PSME3IP1: variants seen among roughly 807,000 people sequenced by gnomAD.
PSME3IP1 encodes proteasome activator subunit 3 interacting protein 1.
A neutral mutation model predicts 34.1 loss-of-function variants in PSME3IP1; 13 were observed. The ratio of observed to expected loss-of-function variants is 0.38; its 90% confidence interval spans 0.25 to 0.61. PSME3IP1 has a LOEUF of 0.61. Ranked by LOEUF, PSME3IP1 falls within the 20% of genes least tolerant of loss-of-function variation. The probability of loss-of-function intolerance (pLI) is 0.60; values close to 1 mark genes in which losing one functional copy is unlikely to be tolerated. For synonymous variants in PSME3IP1, 93 were observed against 114.3 expected (o/e 0.81, Z 1.19); for missense variants, 237 against 301.4 (o/e 0.79, Z 1.58).
At chr16:57,157,329 AAAAG>A (rs1300403491) in intron 6 of PSME3IP1, among the ~76,000 whole-genome samples, 8 of 151,192 alleles carry the variant, frequency 5.3e-5, no homozygotes, top group Non-Finnish European at 1.0e-4. Context: ...AAAAAAAAAA[AAAAG>A]AAGAAGAAGA....
At chr16:57,174,293 CAA>C (rs112755174) in intron 1 of PSME3IP1, 243 of 268,518 alleles carry the variant, frequency 9.0e-4, no homozygotes, top group Non-Finnish European at 1.2e-3. Context: ...GATTCTGTCT[CAA>C]AAAAAAAAAA....
intron 1 of PSME3IP1, chr16:57,185,503 G>A (rs2074094784): frequency 1.0e-6 from 1 of 985,270 alleles, no homozygotes; most frequent in Non-Finnish European, 1.2e-6. Context: ...CAAGACCTCT[G>A]GAACGGAGCC....
rs1744030962 is a variant in PSME3IP1, at chr16:57,154,903, G to A, written c.548-396C>T. ...AAACAGATTAAGAGAGACACTGTGAGCAATATTAACAATTCCATTAAGTTC... is the reference window on the plus strand; with the variant it reads ...AAACAGATTAAGAGAGACACTGTGAACAATATTAACAATTCCATTAAGTTC... On this transcript the variant is annotated intron_variant, in intron 6 of 6. Coordinates refer to ENST00000309137, the MANE Select transcript of PSME3IP1 (RefSeq NM_024946.4). The surrounding 1 kb of genome is among the most constrained non-coding windows in gnomAD (Gnocchi z 4.0). Among the ~76,000 whole-genome samples, 1 of 152,192 alleles carries A rather than the reference G, an allele frequency of 6.6e-6. No individual in the cohort carries two copies. The highest frequency in any genetic ancestry group is 2.4e-5 in the African/African-American group (1 of 41,448).
intron 5 of PSME3IP1, among the ~76,000 whole-genome samples, chr16:57,166,068 C>T (rs2071836521): frequency 6.6e-6 from 1 of 152,224 alleles, no homozygotes; most frequent in Admixed American, 6.5e-5. Flanking sequence ...TAACTCCTCC[C>T]CTCTGTTGCT....
At chr16:57,173,998 A>G in intron 1 of PSME3IP1, 129 bp from the exon 2 acceptor site, 1 of 1,018,122 alleles carries the variant, frequency 9.8e-7, no homozygotes, top group South Asian at 1.7e-5. Context: ...TCCAACTTTG[A>G]ATTGAAAAAA....
intron 6 of PSME3IP1, among the ~76,000 whole-genome samples, chr16:57,161,486 G>A (rs1220316802): frequency 6.6e-6 from 1 of 150,622 alleles, no homozygotes; most frequent in East Asian, 1.9e-4. Flanking sequence ...CAAATATAAT[G>A]TCTGGTCCTT....
At position 57,154,419 on chromosome 16, in the gene PSME3IP1, G is replaced by A. The variant is rs200979210; in HGVS notation, c.636C>T (p.Leu212=). Residue 212 remains leucine (L), a synonymous_variant, in exon 7 of 7, where the codon CTC becomes CTT. Coordinates refer to ENST00000309137, the MANE Select transcript of PSME3IP1 (RefSeq NM_024946.4). This position sits in a 1 kb window ranked among gnomAD's most constrained non-coding sequence, Gnocchi z 4.0. ...CPSAAVCIGI[L]PGLGAYSGSS... is the part of the protein sequence containing the mutation. ...TCCCAGAGTAGGCACCCAGGCCTGG[G>A]AGGATGCCGATACATACTGCAGCAG... is the stretch of plus-strand genomic sequence containing the variant. 2.5e-6 allele frequency: 4 copies of A among 1,614,130 alleles called. No individual in the cohort carries two copies. In the African/African-American group the frequency reaches 5.3e-5, roughly 22 times the overall value.
chr16:57,156,143 C>T (rs2070498298), intron 6 of PSME3IP1, among the ~76,000 whole-genome samples: 2 of 152,338 alleles, frequency 1.3e-5, no homozygotes, highest in South Asian at 2.1e-4. Flanking sequence ...GATGTATAGG[C>T]ATTATCCCCA....
chr16:57,182,884 T>C lies in PSME3IP1; in HGVS notation c.-16+2937A>G, dbSNP rs183230010. Among the ~76,000 whole-genome samples, 112 of 152,298 alleles carry C rather than the reference T, an allele frequency of 7.4e-4. 1 individual carries two copies. The highest frequency in any genetic ancestry group is 6.8e-3 in the Middle Eastern group (2 of 294). On this transcript the variant is annotated intron_variant, in intron 1 of 6. Coordinates refer to ENST00000309137, the MANE Select transcript of PSME3IP1 (RefSeq NM_024946.4). The stretch of plus-strand genomic sequence containing the variant: ...GAGATCGCGCCACTGCACTCCAGCC[T>C]GCGCGAAGTGGGCGAGACTCCATCT...
chr16:57,168,021 C>T (rs930384353), intron 4 of PSME3IP1, among the ~76,000 whole-genome samples: 13 of 152,154 alleles, frequency 8.5e-5, no homozygotes, highest in Admixed American at 5.2e-4. Context: ...ATATTTTTGT[C>T]GGGGAGGTCA....
At chr16:57,162,470 G>C (rs2071369067) in intron 6 of PSME3IP1, among the ~76,000 whole-genome samples, 1 of 151,898 alleles carries the variant, frequency 6.6e-6, no homozygotes, top group African/African-American at 2.4e-5. Context: ...TTCGAGACCA[G>C]CCTGGCCAAC....
At chr16:57,185,407 G>A (rs1162286590) in intron 1 of PSME3IP1, 1 of 671,880 alleles carries the variant, frequency 1.5e-6, no homozygotes. Context: ...CACAATAAAT[G>A]TGCTTCCCAT....
chr16:57,163,456 G>A (rs542183370), intron 6 of PSME3IP1, among the ~76,000 whole-genome samples: 276 of 152,290 alleles, frequency 1.8e-3, no homozygotes, highest in Non-Finnish European at 3.3e-3. Flanking sequence ...AAACACACTC[G>A]AATTTCTCAT....
chr16:57,176,957 C>A lies in PSME3IP1; in HGVS notation c.-15-3088G>T, dbSNP rs188077936. Reference sequence around the variant, plus strand: ...GCAACCTCCGCTTCCCAGATTCAAGCGATTCTCCTGCCTCAGCCTCCTGAG... The same window carrying A: ...GCAACCTCCGCTTCCCAGATTCAAGAGATTCTCCTGCCTCAGCCTCCTGAG... On this transcript the variant is annotated intron_variant, in intron 1 of 6. Coordinates refer to ENST00000309137, the MANE Select transcript of PSME3IP1 (RefSeq NM_024946.4). Among the ~76,000 whole-genome samples, 172 of 152,176 alleles carry A rather than the reference C, an allele frequency of 1.1e-3. 1 individual carries two copies. The highest frequency in any genetic ancestry group is 3.4e-3 in the Middle Eastern group (1 of 292).
chr16:57,173,956 C>T, intron 1 of PSME3IP1, 87 bp from the exon 2 acceptor site: 1 of 1,336,386 alleles, frequency 7.5e-7, no homozygotes, highest in South Asian at 1.3e-5. Flanking sequence ...GATTTAGCTC[C>T]ATCTCACCCA....
In PSME3IP1 at chr16:57,160,267, G is replaced by A. The variant is rs555678391; in HGVS notation, c.547+3734C>T. On this transcript the variant is annotated intron_variant, in intron 6 of 6. Transcript: ENST00000309137. ...ATTGCGCCACTGCAGTCCGCAGTCC[G>A]GCCTGGGCGACAGAGCGAGACTCCG... 2.7e-5 allele frequency among the ~76,000 whole-genome samples: 4 copies of A among 150,812 alleles called. No homozygotes were observed. The South Asian group carries it at 6.3e-4, about 24-fold the overall frequency.
intron 2 of PSME3IP1, 88 bp downstream of exon 2, chr16:57,173,640 T>C (rs1015534233): frequency 1.3e-6 from 2 of 1,501,830 alleles, no homozygotes; most frequent in Non-Finnish European, 1.8e-6. Context: ...AAAAAATAAA[T>C]AAATAAAACC....
At chr16:57,185,546 T>C in intron 1 of PSME3IP1, 2 of 985,484 alleles carry the variant, frequency 2.0e-6, no homozygotes, top group Non-Finnish European at 2.4e-6. Context: ...TGGCCCTACC[T>C]AGCAGAAAAT....
chr16:57,167,583 T>C (rs1374303709), intron 4 of PSME3IP1, among the ~76,000 whole-genome samples: 1 of 152,232 alleles, frequency 6.6e-6, no homozygotes, highest in Admixed American at 6.5e-5. Flanking sequence ...GTGGCTTCCC[T>C]GAAAACATGC....
Sources: allele counts gnomAD v4.1 joint callset (sites outside exome capture counted in the v4.1 genomes callset), GRCh38; gene constraint gnomAD v4.1.1; non-coding constraint Gnocchi (gnomAD v3.1); transcripts MANE v1.5; gene names NCBI Gene and HGNC (gene_info 2026-07-23, HGNC 2026-07-21).